KLF15: variants seen among roughly 807,000 people sequenced by gnomAD.
KLF15 encodes the protein Krueppel-like factor 15.
A neutral mutation model predicts 24.6 loss-of-function variants in KLF15; 4 were observed. The observed-to-expected ratio is 0.16, with a 90% CI of 0.08 to 0.37. KLF15 has a LOEUF of 0.37. KLF15 is among the 10% of genes least tolerant of loss of function. The probability of loss-of-function intolerance (pLI) is 1.00; values close to 1 mark genes in which losing one functional copy is unlikely to be tolerated. For missense variants in KLF15, 496 were observed against 560.6 expected, an observed-to-expected ratio of 0.88 and a Z score of 1.16; for synonymous variants, 246 against 236.3, an observed-to-expected ratio of 1.04 and a Z score of -0.37.
the KLF15 span, among the ~76,000 whole-genome samples, chr3:126,299,832 C>A: frequency 1.3e-5 from 2 of 150,814 alleles, no homozygotes; most frequent in African/African-American, 4.9e-5. Flanking sequence ...AGGGAGAAGG[C>A]GGCCATCTGC....
At chr3:126,291,014 A>G in the KLF15 span, 1 of 152,284 alleles carries the variant, frequency 6.6e-6, no homozygotes, top group African/African-American at 2.4e-5. Flanking sequence ...ACAACCAGGA[A>G]CCCTCAGCAG....
the KLF15 span, among the ~76,000 whole-genome samples, chr3:126,318,217 C>CA: frequency 2.0e-5 from 3 of 152,204 alleles, no homozygotes; most frequent in African/African-American, 7.2e-5. Flanking sequence ...TCACCTCATA[C>CA]ATGCCTTTAA....
At chr3:126,290,764 G>A in the KLF15 span, 10 of 152,184 alleles carry the variant, frequency 6.6e-5, no homozygotes, top group East Asian at 1.3e-3. Context: ...GAATCTGGAA[G>A]AAAACAGAAC....
chr3:126,299,394 C>G, the KLF15 span, among the ~76,000 whole-genome samples: 1 of 151,784 alleles, frequency 6.6e-6, no homozygotes, highest in African/African-American at 2.4e-5. Flanking sequence ...TATCTAGGAG[C>G]TTTTAGTTAA....
chr3:126,317,880 T>C, the KLF15 span, among the ~76,000 whole-genome samples: 1 of 152,204 alleles, frequency 6.6e-6, no homozygotes, highest in Non-Finnish European at 1.5e-5. Context: ...GTCGGATTCT[T>C]CTGAGGAGAC....
At chr3:126,346,888 G>A (rs1029240431) in intron 2 of KLF15, among the ~76,000 whole-genome samples, 1 of 152,212 alleles carries the variant, frequency 6.6e-6, no homozygotes, top group African/African-American at 2.4e-5. Context: ...AGCTCCCTGA[G>A]CCTCAGTTTC....
the KLF15 span, among the ~76,000 whole-genome samples, chr3:126,296,668 C>T: frequency 6.6e-6 from 1 of 152,216 alleles, no homozygotes; most frequent in Non-Finnish European, 1.5e-5. Flanking sequence ...TGGTTACATT[C>T]CCTAAGCTTC....
chr3:126,294,029 T>G, the KLF15 span: 1 of 152,382 alleles, frequency 6.6e-6, no homozygotes, highest in Non-Finnish European at 1.5e-5. Flanking sequence ...CCTTTCTGTG[T>G]CAGGGCCGGC....
At chr3:126,322,605 T>C in the KLF15 span, among the ~76,000 whole-genome samples, 1 of 152,212 alleles carries the variant, frequency 6.6e-6, no homozygotes, top group African/African-American at 2.4e-5. Flanking sequence ...TAAAGTAACA[T>C]CTTCCCAGGT....
At chr3:126,289,649 T>G in the KLF15 span, among the ~76,000 whole-genome samples, 1 of 152,374 alleles carries the variant, frequency 6.6e-6, no homozygotes, top group South Asian at 2.1e-4. Context: ...ATACAGCCTG[T>G]TTTTATTTAT....
the KLF15 span, among the ~76,000 whole-genome samples, chr3:126,331,604 G>A: frequency 6.6e-6 from 1 of 152,146 alleles, no homozygotes; most frequent in South Asian, 2.1e-4. Context: ...ATGTCTAGTG[G>A]GGGGGAGGAG....
downstream of KLF15, among the ~76,000 whole-genome samples, chr3:126,341,573 C>A (rs570201988): frequency 6.6e-6 from 1 of 152,306 alleles, no homozygotes; most frequent in South Asian, 2.1e-4. Flanking sequence ...CTAGGCCCAG[C>A]CTCCTCCTCG....
At chr3:126,318,821 C>A in the KLF15 span, among the ~76,000 whole-genome samples, 3 of 152,196 alleles carry the variant, frequency 2.0e-5, no homozygotes, top group African/African-American at 7.2e-5. Flanking sequence ...ATATCATTAT[C>A]ACCTGGAGTC....
rs147189531 is a variant in KLF15, at chr3:126,354,725, C to T, written c.-25-1778G>A. On this transcript the variant is annotated intron_variant, in intron 1 of 2. Transcript: ENST00000296233. ...CAGGTGCTGGGAAGGAATGAAAGTGCTAGACACTGTGAAGGGCACAAGGCT... is the reference window on the plus strand; with the variant it reads ...CAGGTGCTGGGAAGGAATGAAAGTGTTAGACACTGTGAAGGGCACAAGGCT... Among the ~76,000 whole-genome samples the T allele has an allele frequency of 6.6e-5, 10 of 152,352 alleles. 1 individual carries two copies. The East Asian group carries it at 1.9e-3, about 29-fold the overall frequency.
Position 126,343,574 on chromosome 3 carries a change from T to C in KLF15, c.*153A>G, listed in dbSNP as rs2082501246. 1.4e-6 allele frequency: 1 copy of C among 712,662 alleles called. No individual in the cohort carries two copies. Among genetic ancestry groups the C allele is most frequent in the Admixed American group, 3.3e-5 (1 of 30,454 alleles). The allele number at this position is 712,662 out of a possible 1,614,324, so 44.1% of individuals were successfully genotyped here. A position where few individuals can be genotyped will look rare whatever the true frequency, so the allele number is the denominator to read the frequency against. ...TAAGTACTCCCGAGAAAGGCAGCGG[T>C]TGGCGGGCCCTGGGTTCACACCTCC... On this transcript the variant is annotated 3_prime_UTR_variant, in exon 3 of 3. Transcript: ENST00000296233.
chr3:126,343,967 CG>C, intron 2 of KLF15, 72 bp from the exon 3 acceptor site: 1 of 1,455,122 alleles, frequency 6.9e-7, no homozygotes, highest in Non-Finnish European at 9.1e-7. Flanking sequence ...ACGAAGTTGC[CG>C]GGATGCAAGG....
chr3:126,293,733 A>G, the KLF15 span, among the ~76,000 whole-genome samples: 3 of 152,212 alleles, frequency 2.0e-5, no homozygotes, highest in Non-Finnish European at 4.4e-5. Context: ...GCCATGGAAT[A>G]TGCTTAGAGG....
At chr3:126,312,802 G>A in the KLF15 span, among the ~76,000 whole-genome samples, 1 of 152,076 alleles carries the variant, frequency 6.6e-6, no homozygotes, top group Non-Finnish European at 1.5e-5. Flanking sequence ...GTAGACTGGC[G>A]GGTTCCCTTT....
At chr3:126,319,601 C>T in the KLF15 span, among the ~76,000 whole-genome samples, 1 of 152,190 alleles carries the variant, frequency 6.6e-6, no homozygotes, top group Admixed American at 6.5e-5. Flanking sequence ...ATCTTTTGAA[C>T]ATTTTTGAAT....
Sources: gnomAD v4.1 joint callset for allele counts (sites outside exome capture counted in the v4.1 genomes callset) on GRCh38, gnomAD v4.1.1 for gene constraint, MANE v1.5 for transcripts, NCBI Gene and HGNC (gene_info 2026-07-23, HGNC 2026-07-21) for gene names.